RALYL: variants seen among roughly 807,000 people sequenced by gnomAD.
RALYL encodes the protein RALY RNA binding protein like.
RALYL carries 29 observed loss-of-function variants against 35.1 expected under a neutral mutation model. The ratio of observed to expected loss-of-function variants is 0.83; its 90% CI spans 0.61 to 1.13. The LOEUF (loss-of-function observed/expected upper bound fraction) is 1.13, where lower values mean the gene tolerates loss of function less well. Ranked by LOEUF, RALYL falls within the 50% of genes most tolerant of loss-of-function variation. The probability of loss-of-function intolerance (pLI) is 0.00; values close to 1 mark genes in which losing one functional copy is unlikely to be tolerated. For missense variants in RALYL, 359 were observed against 360.4 expected, an observed-to-expected ratio of 1.00 and a Z score of 0.03; for synonymous variants, 120 against 127.6, an observed-to-expected ratio of 0.94 and a Z score of 0.40.
At chr8:84,334,732 C>A (rs1306117279) in intron 1 of RALYL, among the ~76,000 whole-genome samples, 5 of 152,042 alleles carry the variant, frequency 3.3e-5, no homozygotes, top group Admixed American at 1.3e-4. Flanking sequence ...GATATCAATT[C>A]TCTTTATTTT....
At chr8:84,498,363 T>G (rs2056312398) in intron 1 of RALYL, among the ~76,000 whole-genome samples, 1 of 152,094 alleles carries the variant, frequency 6.6e-6, no homozygotes, top group African/African-American at 2.4e-5. Flanking sequence ...CAAGTCTTTT[T>G]TATATTCAAT....
intron 1 of RALYL, among the ~76,000 whole-genome samples, chr8:84,377,460 T>G (rs1377246853): frequency 1.4e-5 from 2 of 143,168 alleles, no homozygotes; most frequent in Non-Finnish European, 3.0e-5. Context: ...TGTTTTTTTT[T>G]TTTTTTTTTT....
At position 84,680,845 on chromosome 8, in the gene RALYL, T is replaced by C. The variant is rs555258434; in HGVS notation, c.257-93734T>C. Among the ~76,000 whole-genome samples the C allele has an allele frequency of 8.9e-3, 1,356 of 152,086 alleles. 20 individuals carry two copies. The highest frequency in any genetic ancestry group is 0.03 in the African/African-American group (1,256 of 41,348). On this transcript the variant is annotated intron_variant, in intron 2 of 8. Coordinates refer to ENST00000521268, the MANE Select transcript of RALYL (RefSeq NM_173848.7). Reference sequence around the variant, plus strand: ...AGTTTCTTTTGCTGTGCAGAAGCTCTTTAGTTTCATTAGATCCCATTTGTC... The same window carrying C: ...AGTTTCTTTTGCTGTGCAGAAGCTCCTTAGTTTCATTAGATCCCATTTGTC...
At chr8:84,831,001 T>C (rs1437978110) in intron 4 of RALYL, among the ~76,000 whole-genome samples, 4 of 151,802 alleles carry the variant, frequency 2.6e-5, no homozygotes, top group African/African-American at 9.7e-5. Context: ...TAAATGATAT[T>C]AAGGAAAATT....
At chr8:84,604,613 G>T in intron 2 of RALYL, among the ~76,000 whole-genome samples, 1 of 152,072 alleles carries the variant, frequency 6.6e-6, no homozygotes, top group South Asian at 2.1e-4. Flanking sequence ...AGAAATACAG[G>T]AAAGCTTGCC....
At chr8:84,202,444 C>A (rs1817087632) in intron 1 of RALYL, among the ~76,000 whole-genome samples, 1 of 143,458 alleles carries the variant, frequency 7.0e-6, no homozygotes, top group Non-Finnish European at 1.5e-5. Context: ...GCAATCTTGG[C>A]TCACTGCAAC....
At chr8:84,730,671 C>T (rs553666276) in intron 2 of RALYL, among the ~76,000 whole-genome samples, 1 of 149,230 alleles carries the variant, frequency 6.7e-6, no homozygotes, top group Admixed American at 6.7e-5. Flanking sequence ...CACTATATTT[C>T]ATTCCACTTA....
chr8:84,653,672 C>T (rs1291533137), intron 2 of RALYL, among the ~76,000 whole-genome samples: 3 of 151,754 alleles, frequency 2.0e-5, no homozygotes, highest in African/African-American at 7.3e-5. Flanking sequence ...TTCCCCATTC[C>T]TCCATAAAAC....
chr8:84,236,390 T>C (rs1386681983), intron 1 of RALYL, among the ~76,000 whole-genome samples: 3 of 152,154 alleles, frequency 2.0e-5, no homozygotes, highest in Non-Finnish European at 4.4e-5. Flanking sequence ...ACCAAGAATT[T>C]AGATTCACAG....
intron 2 of RALYL, among the ~76,000 whole-genome samples, chr8:84,568,874 C>A (rs941314777): frequency 2.0e-5 from 3 of 151,758 alleles, no homozygotes; most frequent in African/African-American, 7.3e-5. Context: ...TGTTCATATC[C>A]TTTGCCCACT....
chr8:84,566,001 C>T (rs906353277), intron 2 of RALYL, among the ~76,000 whole-genome samples: 1 of 151,430 alleles, frequency 6.6e-6, no homozygotes, highest in Non-Finnish European at 1.5e-5. Context: ...ACATTGGACA[C>T]AAAACCAATT....
chr8:84,478,877 G>C (rs1000368042), intron 1 of RALYL, among the ~76,000 whole-genome samples: 1 of 143,026 alleles, frequency 7.0e-6, no homozygotes, highest in East Asian at 2.1e-4. Flanking sequence ...ACGAGGTCAG[G>C]AGATCGAGAC....
chr8:84,797,269 A>G (rs1423366397), intron 3 of RALYL, among the ~76,000 whole-genome samples: 1 of 152,208 alleles, frequency 6.6e-6, no homozygotes, highest in Non-Finnish European at 1.5e-5. Context: ...TCATGGCCTA[A>G]TCATCTCTTA....
chr8:84,836,590 A>T (rs73299287), intron 4 of RALYL, among the ~76,000 whole-genome samples: 6,042 of 152,310 alleles, frequency 0.04, 404 homozygotes, highest in African/African-American at 0.14. Context: ...CCAAAGTAAA[A>T]GTAAAAATTT....
intron 2 of RALYL, among the ~76,000 whole-genome samples, chr8:84,706,237 G>C (rs1841187941): frequency 6.6e-6 from 1 of 152,128 alleles, no homozygotes; most frequent in Non-Finnish European, 1.5e-5. Context: ...GATGTTGAGG[G>C]CAGAGGGGAT....
chr8:84,582,578 A>G (rs991422294), intron 2 of RALYL, among the ~76,000 whole-genome samples: 6 of 152,114 alleles, frequency 3.9e-5, no homozygotes, highest in African/African-American at 1.2e-4. Context: ...TGTATTTCAA[A>G]TATGCAGTAT....
intron 1 of RALYL, among the ~76,000 whole-genome samples, chr8:84,510,207 A>G (rs2057496889): frequency 6.6e-6 from 1 of 152,152 alleles, no homozygotes; most frequent in Non-Finnish European, 1.5e-5. Context: ...TAAGTTGTAT[A>G]CATATTTTGT....
chr8:84,351,808 T>C (rs368238024), intron 1 of RALYL, among the ~76,000 whole-genome samples: 1 of 150,480 alleles, frequency 6.6e-6, no homozygotes, highest in East Asian at 1.9e-4. Context: ...TCTAGAAATA[T>C]GCGTTGTGCT....
intron 1 of RALYL, among the ~76,000 whole-genome samples, chr8:84,191,167 CGTGTGTGTGTGTGATT>C (rs1427771461): frequency 2.3e-5 from 3 of 128,602 alleles, no homozygotes; most frequent in Non-Finnish European, 4.8e-5. Context: ...TTGTATGTGT[CGTGTGTGTGTGTGATT>C]GTGTGTGTGT....
Sources: allele counts gnomAD v4.1 joint callset (sites outside exome capture counted in the v4.1 genomes callset), GRCh38; gene constraint gnomAD v4.1.1; transcripts MANE v1.5; gene names NCBI Gene and HGNC (gene_info 2026-07-23, HGNC 2026-07-21).